NBEA: variants seen among roughly 807,000 people sequenced by gnomAD.
NBEA encodes neurobeachin, also known as lysosomal-trafficking regulator 2.
NBEA carries 44 observed loss-of-function variants against 343.4 expected under a neutral mutation model. The ratio of observed to expected loss-of-function variants is 0.13; its 90% CI spans 0.10 to 0.16. The LOEUF (loss-of-function observed/expected upper bound fraction) is 0.16, where lower values mean the gene tolerates loss of function less well. Among genes scored for constraint, NBEA ranks in the 10% least tolerant of loss-of-function variants. The probability of loss-of-function intolerance (pLI) is 1.00; values close to 1 mark genes in which losing one functional copy is unlikely to be tolerated. For missense variants in NBEA, 2,555 were observed against 3,631.3 expected (o/e 0.70, Z 7.62); for synonymous variants, 1,175 against 1,238.7 (o/e 0.95, Z 1.08).
chr13:35,073,569 C>T (rs934560553), intron 10 of NBEA, among the ~76,000 whole-genome samples: 1 of 152,074 alleles, frequency 6.6e-6, no homozygotes, highest in Non-Finnish European at 1.5e-5. Flanking sequence ...GTTTCTTAAG[C>T]CTTACCTCTG....
At chr13:35,174,574 A>T (rs1026806714) in intron 27 of NBEA, among the ~76,000 whole-genome samples, 4 of 152,124 alleles carry the variant, frequency 2.6e-5, no homozygotes, top group African/African-American at 9.7e-5. Context: ...GGTTATTTGC[A>T]GTGTTGTAAC....
intron 31 of NBEA, among the ~76,000 whole-genome samples, chr13:35,196,529 T>C (rs2072613873): frequency 1.3e-5 from 2 of 151,978 alleles, no homozygotes; most frequent in Non-Finnish European, 2.9e-5. Context: ...GAATTGGAAG[T>C]AGGGAAACAT....
chr13:35,123,837 T>A (rs892087464), intron 17 of NBEA, among the ~76,000 whole-genome samples: 10 of 152,108 alleles, frequency 6.6e-5, no homozygotes, highest in African/African-American at 2.4e-4. Context: ...GAAGATGTAA[T>A]AAAATATTTT....
rs564835831 is a variant in NBEA at position 35,527,742 on chromosome 13, A to T, written c.6586-22735A>T. Among the ~76,000 whole-genome samples, 15 of 152,280 alleles carry T rather than the reference A, an allele frequency of 9.9e-5. No individual in the cohort carries two copies. In the South Asian group the frequency reaches 3.1e-3, roughly 32 times the overall value. ...AGCTAGGGCTTCCAGGGCCCCTGAGAACATAGGGATGCCCAGGTCCAGAGC... is the reference window on the plus strand; with the variant it reads ...AGCTAGGGCTTCCAGGGCCCCTGAGTACATAGGGATGCCCAGGTCCAGAGC... On this transcript the variant is annotated intron_variant, in intron 41 of 58. Coordinates refer to ENST00000379939, the MANE Select transcript of NBEA (RefSeq NM_001385012.1).
At chr13:35,550,255 T>C (rs8001162) in intron 41 of NBEA, among the ~76,000 whole-genome samples, 5,734 of 152,048 alleles carry the variant, frequency 0.038, 392 homozygotes, top group African/African-American at 0.13. Flanking sequence ...AGTCACAGAG[T>C]CTCCTTGAAT....
At chr13:35,524,185 CAT>C (rs1317455681) in intron 41 of NBEA, among the ~76,000 whole-genome samples, 2 of 152,212 alleles carry the variant, frequency 1.3e-5, no homozygotes. Context: ...TTCTATACCA[CAT>C]GTTACCCACT....
intron 34 of NBEA, among the ~76,000 whole-genome samples, chr13:35,273,173 C>T (rs2034303637): frequency 6.6e-6 from 1 of 152,138 alleles, no homozygotes; most frequent in African/African-American, 2.4e-5. Context: ...ACAGTGCAAT[C>T]AAATTAGAAT....
At chr13:35,090,015 C>A (rs1436786738) in intron 10 of NBEA, among the ~76,000 whole-genome samples, 1 of 150,404 alleles carries the variant, frequency 6.6e-6, no homozygotes, top group Non-Finnish European at 1.5e-5. Flanking sequence ...ACATATGTAA[C>A]TAATGTGCAT....
At chr13:35,175,196 G>A (rs920906963) in intron 27 of NBEA, among the ~76,000 whole-genome samples, 6 of 152,118 alleles carry the variant, frequency 3.9e-5, no homozygotes, top group African/African-American at 1.2e-4. Context: ...CTGGTTTTGC[G>A]ACCTGAGAGA....
chr13:34,967,233 T>A (rs2152495967), intron 1 of NBEA, among the ~76,000 whole-genome samples: 1 of 152,102 alleles, frequency 6.6e-6, no homozygotes, highest in African/African-American at 2.4e-5. Flanking sequence ...CTGAATTAAA[T>A]CTTCTAGGCC....
chr13:35,458,326 A>T (rs1463124538), intron 40 of NBEA, among the ~76,000 whole-genome samples: 1 of 152,180 alleles, frequency 6.6e-6, no homozygotes, highest in Non-Finnish European at 1.5e-5. Flanking sequence ...CTGTTCTTCC[A>T]TGTTTTCTCT....
At chr13:35,041,647 CTT>C (rs2062654449) in intron 2 of NBEA, among the ~76,000 whole-genome samples, 1 of 151,828 alleles carries the variant, frequency 6.6e-6, no homozygotes, top group African/African-American at 2.4e-5. Context: ...TTGGAAGAAA[CTT>C]TTGTATTAAA....
chr13:35,013,665 C>A (rs897884686), intron 1 of NBEA, among the ~76,000 whole-genome samples: 4 of 152,024 alleles, frequency 2.6e-5, no homozygotes, highest in Non-Finnish European at 4.4e-5. Flanking sequence ...GACGGAATTT[C>A]ACCATGTTGG....
At chr13:35,209,620 T>C (rs2073630975) in intron 32 of NBEA, among the ~76,000 whole-genome samples, 1 of 152,120 alleles carries the variant, frequency 6.6e-6, no homozygotes, top group Admixed American at 6.6e-5. Context: ...ATCCCTGACT[T>C]TTCTTCCCTG....
intron 18 of NBEA, among the ~76,000 whole-genome samples, chr13:35,153,489 C>T (rs1486770251): frequency 6.6e-6 from 1 of 152,144 alleles, no homozygotes; most frequent in African/African-American, 2.4e-5. Context: ...AGAGGGAGGG[C>T]ACATAACTGG....
intron 46 of NBEA, among the ~76,000 whole-genome samples, chr13:35,589,523 T>A (rs1244995090): frequency 2.0e-5 from 3 of 152,074 alleles, no homozygotes; most frequent in Non-Finnish European, 4.4e-5. Context: ...ATAAACGAGA[T>A]TTGTTTTGGC....
chr13:35,609,145 G>A (rs34514882), intron 48 of NBEA, among the ~76,000 whole-genome samples: 33,960 of 152,048 alleles, frequency 0.22, 3,992 homozygotes, highest in Non-Finnish European at 0.24. Context: ...AAAATAGAGT[G>A]GTTATCTTTA....
At chr13:34,989,479 G>A (rs184070750) in intron 1 of NBEA, among the ~76,000 whole-genome samples, 1 of 150,874 alleles carries the variant, frequency 6.6e-6, no homozygotes, top group African/African-American at 2.4e-5. Flanking sequence ...GAGGGTGAAG[G>A]GGGAAGTGCT....
At chr13:35,663,059 T>C (rs2085177961) in intron 55 of NBEA, among the ~76,000 whole-genome samples, 1 of 152,192 alleles carries the variant, frequency 6.6e-6, no homozygotes, top group South Asian at 2.1e-4. Flanking sequence ...TGTGTAATGA[T>C]CAAATTGGGG....
Sources: allele counts gnomAD v4.1 joint callset (sites outside exome capture counted in the v4.1 genomes callset), GRCh38; gene constraint gnomAD v4.1.1; transcripts MANE v1.5; gene names NCBI Gene and HGNC (gene_info 2026-07-23, HGNC 2026-07-21).